The following CTNNB1 variants were observed in gnomAD, a reference collection of about 807,000 sequenced individuals.
CTNNB1 encodes the protein catenin beta-1.
CTNNB1 carries 6 observed loss-of-function variants against 82.5 expected under a neutral mutation model. That is an observed-to-expected ratio of 0.07 (90% CI 0.04 to 0.14). The LOEUF (loss-of-function observed/expected upper bound fraction) is 0.14. CTNNB1 is among the 10% of genes least tolerant of loss of function. The pLI is 1.00. For missense variants in CTNNB1, 529 were observed against 980.4 expected, an observed-to-expected ratio of 0.54 and a Z score of 6.15; for synonymous variants, 312 against 329.7, an observed-to-expected ratio of 0.95 and a Z score of 0.58.
chr3:41,236,060 C>G (rs1045231520), intron 11 of CTNNB1: 94 of 694,166 alleles, frequency 1.4e-4, no homozygotes, highest in Non-Finnish European at 2.1e-4. Context: ...GAGGGGAGAG[C>G]TGACCTGGGC....
chr3:41,235,954 T>C, intron 11 of CTNNB1, 111 bp downstream of exon 11: 1 of 1,328,196 alleles, frequency 7.5e-7, no homozygotes, highest in Non-Finnish European at 1.1e-6. Flanking sequence ...CAACATTTAA[T>C]TTTATGAAAA....
rs2078150367 is a variant in CTNNB1, at chr3:41,225,352, G to A, written c.514G>A (p.Ala172Thr). 1.2e-6 allele frequency: 2 copies of A among 1,613,938 alleles called. No individual in the cohort carries two copies. The highest frequency in any genetic ancestry group is 1.7e-6 in the Non-Finnish European group (2 of 1,179,998). Residue 172 changes from alanine to threonine, a missense_variant, in exon 5 of 15, where the codon GCA becomes ACA. Physicochemically the swap from Ala to Thr is moderately conservative, Grantham distance 58. Coordinates refer to ENST00000349496, the MANE Select transcript of CTNNB1 (RefSeq NM_001904.4). This position sits in a 1 kb window ranked among gnomAD's most constrained non-coding sequence, Gnocchi z 5.3. ...ATTACAGGTGGTGGTTAATAAGGCT[G>A]CAGTTATGGTCCATCAGCTTTCTAA... ...DEDQVVVNKA[A>T]VMVHQLSKKE...
chr3:41,215,468 C>T (rs1163785384), intron 1 of CTNNB1, among the ~76,000 whole-genome samples: 1 of 146,498 alleles, frequency 6.8e-6, no homozygotes, highest in Non-Finnish European at 1.5e-5. Flanking sequence ...TTTGTGTGTT[C>T]TCCTGTTCAC....
At chr3:41,204,550 T>C (rs1425936705) in intron 1 of CTNNB1, among the ~76,000 whole-genome samples, 1 of 152,218 alleles carries the variant, frequency 6.6e-6, no homozygotes, top group Admixed American at 6.5e-5. Flanking sequence ...ATGCAGACTA[T>C]TAAAAATTGA....
chr3:41,225,994 G>A lies in CTNNB1; in HGVS notation c.936+133G>A. 10 of 796,012 alleles carry A rather than the reference G, an allele frequency of 1.3e-5. No individual in the cohort carries two copies. The highest frequency in any genetic ancestry group is 3.5e-4 in the Middle Eastern group (1 of 2,866). 49.3% of individuals were successfully genotyped at this position (796,012 alleles called of 1,614,324 possible). ...TGGAAAACAGTTTTTCCATGAATGG[G>A]TTGTGGGAATGGTTTCTGGATGACA... On this transcript the variant is annotated intron_variant, in intron 6 of 14. Coordinates refer to ENST00000349496, the MANE Select transcript of CTNNB1 (RefSeq NM_001904.4). This position sits in a 1 kb window ranked among gnomAD's most constrained non-coding sequence, Gnocchi z 5.3.
At chr3:41,229,949 C>T (rs1275711250) in intron 7 of CTNNB1, among the ~76,000 whole-genome samples, 1 of 150,096 alleles carries the variant, frequency 6.7e-6, no homozygotes, top group Non-Finnish European at 1.5e-5. Flanking sequence ...ATTTTTTCTC[C>T]TTTCAGTAAC....
intron 1 of CTNNB1, among the ~76,000 whole-genome samples, chr3:41,203,929 A>T: frequency 6.6e-6 from 1 of 152,170 alleles, no homozygotes; most frequent in East Asian, 1.9e-4. Context: ...ATTTTTAAAA[A>T]TTTGTTTTTC....
intron 9 of CTNNB1, 95 bp downstream of exon 9, chr3:41,233,962 T>A: frequency 6.9e-7 from 1 of 1,442,222 alleles, no homozygotes; most frequent in Non-Finnish European, 9.8e-7. Flanking sequence ...GATCAATAAG[T>A]AGGAATTGTA....
At chr3:41,212,680 G>C (rs191985183) in intron 1 of CTNNB1, among the ~76,000 whole-genome samples, 99 of 152,304 alleles carry the variant, frequency 6.5e-4, no homozygotes, top group Middle Eastern at 3.4e-3. Context: ...TTTGAAATGT[G>C]GCTGTGTGAC....
At chr3:41,234,805 CA>C (rs1399235439) in intron 10 of CTNNB1, 5 of 167,348 alleles carry the variant, frequency 3.0e-5, no homozygotes, top group African/African-American at 1.2e-4. Flanking sequence ...AGCTTTGATA[CA>C]AAGTTTGTGT....
chr3:41,227,410 T>A lies in CTNNB1; in HGVS notation c.1081+58T>A, dbSNP rs2078203743. ...ATAGCATCTGCAGTTCTAATTAGAT[T>A]ACTTTTCTTAGGAAAAGGTGGTAGA... On this transcript the variant is annotated intron_variant, in intron 7 of 14. Transcript: ENST00000349496. The A allele has an allele frequency of 1.9e-6, 3 of 1,577,384 alleles. No homozygotes were observed. In the East Asian group the frequency reaches 6.7e-5, roughly 35 times the overall value.
chr3:41,203,202 G>A (rs1214609539), intron 1 of CTNNB1, among the ~76,000 whole-genome samples: 2 of 141,980 alleles, frequency 1.4e-5, no homozygotes, highest in Non-Finnish European at 3.2e-5. Flanking sequence ...ATAGTATAAT[G>A]CTTGTGATTT....
At chr3:41,200,670 A>G (rs1475058392) in intron 1 of CTNNB1, among the ~76,000 whole-genome samples, 1 of 152,230 alleles carries the variant, frequency 6.6e-6, no homozygotes, top group East Asian at 1.9e-4. Flanking sequence ...GCCAAATGGA[A>G]TTCAAGCATT....
chr3:41,211,806 A>T (rs2077795691), intron 1 of CTNNB1, among the ~76,000 whole-genome samples: 1 of 152,140 alleles, frequency 6.6e-6, no homozygotes, highest in Non-Finnish European at 1.5e-5. Context: ...TATCTTTGCT[A>T]TTATGGATGG....
Position 41,239,311 on chromosome 3 carries a change from A to G in CTNNB1, c.2315A>G (p.Asn772Ser), listed in dbSNP as rs138501547. The part of the protein sequence containing the change: ...LMDGLPPGDS[N>S]QLAWFDTDL ...GATGGGCTGCCTCCAGGTGACAGCA[A>G]TCAGCTGGCCTGGTTTGATACTGAC... Residue 772 changes from asparagine (N) to serine (S), a missense_variant, in exon 15 of 15, where the codon AAT becomes AGT. Physicochemically the swap from Asn to Ser is conservative, Grantham distance 46. This residue lies in a region of CTNNB1 where 102 missense variants were observed against 130.8 expected (regional missense o/e 0.78). Coordinates refer to ENST00000349496, the MANE Select transcript of CTNNB1 (RefSeq NM_001904.4). The G allele has an allele frequency of 3.1e-5, 50 of 1,614,148 alleles. No individual in the cohort carries two copies. The highest frequency in any genetic ancestry group is 2.9e-4 in the East Asian group (13 of 44,878).
rs2125640164 is a variant in CTNNB1 at position 41,233,753 on chromosome 3, T to C, written c.1410T>C (p.His470=). ...AGCCTGCCATCTGTGCTCTTCGTCA[T>C]CTGACCAGCCGACACCAAGAAGCAG... ...ITEPAICALR[H]LTSRHQEAEM... Residue 470 remains histidine (H), a synonymous_variant, in exon 9 of 15, where the codon CAT becomes CAC. Transcript: ENST00000349496. 2 of 1,614,022 alleles carry C rather than the reference T, an allele frequency of 1.2e-6. No homozygotes were observed. Among genetic ancestry groups the C allele is most frequent in the Non-Finnish European group, 1.7e-6 (2 of 1,179,916 alleles).
In CTNNB1 at chr3:41,225,556, C is replaced by G. The variant is rs373574509; in HGVS notation, c.718C>G (p.Leu240Val). The change falls in exon 5 of 15, where the codon CTG becomes GTG. Residue 240 changes from leucine (L) to valine (V), a missense_variant. Transcript: ENST00000349496. The surrounding 1 kb of genome is among the most constrained non-coding windows in gnomAD (Gnocchi z 5.3). ...AIFKSGGIPA[L>V]VKMLGSPVDS... is the part of the protein sequence containing the mutation. ...CTTTAAGTCTGGAGGCATTCCTGCC[C>G]TGGTGAAAATGCTTGGGTAAGAAAA... The G allele has an allele frequency of 3.7e-6, 6 of 1,614,024 alleles. No homozygotes were observed. Among genetic ancestry groups the G allele is most frequent in the Non-Finnish European group, 5.1e-6 (6 of 1,179,994 alleles).
chr3:41,235,846 A>G lies in CTNNB1; in HGVS notation c.1803+3A>G, dbSNP rs771700200. On this transcript the variant is annotated splice_donor_region_variant and intron_variant, in intron 11 of 14. Transcript: ENST00000349496. ...ATACCATTCCATTGTTTGTGCAGGT[A>G]TGTTTTAAGTGAAGTGTTCTAGGTT... 21 of 1,613,980 alleles carry G rather than the reference A, an allele frequency of 1.3e-5. No homozygotes were observed. In the Admixed American group the frequency reaches 2.2e-4, roughly 17 times the overall value.
intron 7 of CTNNB1, chr3:41,233,139 A>G: frequency 1.6e-6 from 1 of 626,194 alleles, no homozygotes; most frequent in South Asian, 1.9e-5. Flanking sequence ...GCTATTTGAG[A>G]GTTTGTCACT....
Sources: allele counts gnomAD v4.1 joint callset (sites outside exome capture counted in the v4.1 genomes callset), GRCh38; gene constraint gnomAD v4.1.1; regional missense constraint gnomAD v4.1.1; non-coding constraint Gnocchi (gnomAD v3.1); transcripts MANE v1.5; gene names NCBI Gene and HGNC (gene_info 2026-07-23, HGNC 2026-07-21).